The following RDX variants were observed in gnomAD, a reference collection of about 807,000 sequenced individuals.
RDX encodes the protein radixin.
In RDX, 32 loss-of-function variants were observed where a neutral mutation model predicts 83.7. The observed-to-expected ratio is 0.38, with a 90% CI of 0.29 to 0.51. RDX has a LOEUF of 0.51. Among genes scored for constraint, RDX ranks in the 20% least tolerant of loss-of-function variants. The pLI is 0.87. For synonymous variants in RDX, 229 were observed against 222.7 expected, an observed-to-expected ratio of 1.03 and a Z score of -0.25; for missense variants, 600 against 689.9, an observed-to-expected ratio of 0.87 and a Z score of 1.46.
chr11:110,281,117 A>G (rs1860743709), intron 1 of RDX, among the ~76,000 whole-genome samples: 2 of 152,006 alleles, frequency 1.3e-5, no homozygotes. Context: ...GTGAGCCGAC[A>G]TGGTCCCACT....
At chr11:110,291,581 C>A (rs1361216894) in intron 1 of RDX, among the ~76,000 whole-genome samples, 1 of 152,072 alleles carries the variant, frequency 6.6e-6, no homozygotes, top group African/African-American at 2.4e-5. Context: ...AGCAGCCAAA[C>A]TGGGACAAGG....
intron 8 of RDX, among the ~76,000 whole-genome samples, chr11:110,254,467 T>C (rs1386601505): frequency 6.6e-6 from 1 of 152,092 alleles, no homozygotes; most frequent in East Asian, 1.9e-4. Context: ...AGAGTTTTTT[T>C]TAACCTAGAA....
chr11:110,206,964 ATTATT>A (rs72052366), intron 14 of RDX, among the ~76,000 whole-genome samples: 57,935 of 150,852 alleles, frequency 0.38, 11,296 homozygotes, highest in East Asian at 0.6. Context: ...AAAACACGCA[ATTATT>A]TTATTTTATT....
chr11:110,210,769 C>G (rs1208118590), intron 14 of RDX, among the ~76,000 whole-genome samples: 1 of 152,000 alleles, frequency 6.6e-6, no homozygotes, highest in African/African-American at 2.4e-5. Flanking sequence ...AAATAAAATA[C>G]TTTACGGACA....
intron 14 of RDX, among the ~76,000 whole-genome samples, chr11:110,201,903 T>TTGTGTG (rs141731309): frequency 0.014 from 1,862 of 137,176 alleles, 21 homozygotes; most frequent in South Asian, 0.015. Context: ...CCGGCTAATT[T>TTGTGTG]TGTGTGTGTG....
At chr11:110,209,438 G>C (rs1023885282) in intron 14 of RDX, among the ~76,000 whole-genome samples, 2 of 152,282 alleles carry the variant, frequency 1.3e-5, no homozygotes, top group African/African-American at 4.8e-5. Flanking sequence ...GCCCAGGCTT[G>C]ATTAGGTAAA....
At chr11:110,217,317 G>T (rs938385938) in intron 14 of RDX, among the ~76,000 whole-genome samples, 1 of 152,150 alleles carries the variant, frequency 6.6e-6, no homozygotes, top group East Asian at 1.9e-4. Flanking sequence ...AATACAATTT[G>T]TATTAATTAT....
At chr11:110,244,306 G>A (rs575902159) in intron 10 of RDX, among the ~76,000 whole-genome samples, 76 of 135,134 alleles carry the variant, frequency 5.6e-4, no homozygotes, top group African/African-American at 2.1e-3. Flanking sequence ...AGGTTGCAGT[G>A]AGCCAAGATC....
intron 15 of RDX, among the ~76,000 whole-genome samples, chr11:110,183,270 T>C (rs1862923804): frequency 6.6e-6 from 1 of 152,194 alleles, no homozygotes; most frequent in Non-Finnish European, 1.5e-5. Context: ...GGAGGAGCAC[T>C]CCAGGTGAGA....
intron 2 of RDX, among the ~76,000 whole-genome samples, chr11:110,277,495 C>CT (rs748530784): frequency 7.9e-5 from 12 of 151,840 alleles, no homozygotes; most frequent in Non-Finnish European, 1.6e-4. Flanking sequence ...AATTTTTGTA[C>CT]TTTCAGTAGA....
intron 5 of RDX, among the ~76,000 whole-genome samples, chr11:110,262,707 T>C (rs1424642002): frequency 6.6e-6 from 1 of 152,178 alleles, no homozygotes; most frequent in African/African-American, 2.4e-5. Context: ...TATAGTTCAT[T>C]AATTATAATC....
At chr11:110,176,547 T>A (rs780672128) in intron 15 of RDX, among the ~76,000 whole-genome samples, 1 of 152,150 alleles carries the variant, frequency 6.6e-6, no homozygotes, top group African/African-American at 2.4e-5. Context: ...CAGCAGTGAC[T>A]GTAGGCAGAT....
At chr11:110,278,811 A>G (rs1860625364) in intron 2 of RDX, among the ~76,000 whole-genome samples, 1 of 151,956 alleles carries the variant, frequency 6.6e-6, no homozygotes, top group Non-Finnish European at 1.5e-5. Flanking sequence ...CCCAAAAATG[A>G]TAACTAATGA....
chr11:110,250,598 T>A (rs539602406), intron 9 of RDX, among the ~76,000 whole-genome samples: 1 of 152,056 alleles, frequency 6.6e-6, no homozygotes, highest in South Asian at 2.1e-4. Context: ...AGCTTTTCCC[T>A]ATTGATGTTT....
At chr11:110,262,593 A>ATT (rs1430093239) in intron 5 of RDX, among the ~76,000 whole-genome samples, 1 of 8,644 alleles carries the variant, frequency 1.2e-4, no homozygotes, top group Non-Finnish European at 2.3e-4. Flanking sequence ...ATCTCAAAGA[A>ATT]AAAAAAAAAA....
rs756495027 is a variant in RDX, at chr11:110,237,466, T to C, written c.1251+26A>G. The C allele has an allele frequency of 2.3e-5, 37 of 1,610,014 alleles. 1 individual carries two copies. Among genetic ancestry groups the C allele is most frequent in the Admixed American group, 1.5e-4 (9 of 59,908 alleles). On this transcript the variant is annotated intron_variant, in intron 11 of 13. Coordinates refer to ENST00000645495, the MANE Select transcript of RDX (RefSeq NM_002906.4). ...TCACTCTATGCTTTTATTTAAACTT[T>C]TTTCTCTAAGAAGACAGTTCCTTAC...
At chr11:110,232,077 T>C in intron 13 of RDX, 44 bp from the exon 14 acceptor site, 1 of 1,453,160 alleles carries the variant, frequency 6.9e-7, no homozygotes, top group East Asian at 2.4e-5. Flanking sequence ...TTTTCTTAGA[T>C]TTAAAAAAAT....
Position 110,289,725 on chromosome 11 carries a change from T to A in RDX, c.-65+6742A>T, listed in dbSNP as rs1328138652. ...TGAGGTCAGGAGTTCAAGACCAGCC[T>A]AGCCAACACGGCGAAACTCCGTCTC... On this transcript the variant is annotated intron_variant, in intron 1 of 13. Coordinates refer to ENST00000645495, the MANE Select transcript of RDX (RefSeq NM_002906.4). Among the ~76,000 whole-genome samples, 8 of 151,212 alleles carry A rather than the reference T, an allele frequency of 5.3e-5. No individual in the cohort carries two copies. In the East Asian group the frequency reaches 1.5e-3, roughly 29 times the overall value.
intron 1 of RDX, among the ~76,000 whole-genome samples, chr11:110,292,734 A>C (rs1009646590): frequency 6.6e-6 from 1 of 152,164 alleles, no homozygotes; most frequent in African/African-American, 2.4e-5. Context: ...CTCAATTACT[A>C]ATAGCTTTAT....
Sources: allele counts gnomAD v4.1 joint callset (sites outside exome capture counted in the v4.1 genomes callset), GRCh38; gene constraint gnomAD v4.1.1; transcripts MANE v1.5; gene names NCBI Gene and HGNC (gene_info 2026-07-23, HGNC 2026-07-21).